SNTA1: variants seen among roughly 807,000 people sequenced by gnomAD.
SNTA1 encodes alpha-1-syntrophin.
SNTA1 carries 31 observed loss-of-function variants against 47.1 expected under a neutral mutation model. The ratio of observed to expected loss-of-function variants is 0.66; its 90% CI spans 0.49 to 0.89. SNTA1 has a LOEUF of 0.89. Ranked by LOEUF, SNTA1 falls within the 40% of genes least tolerant of loss-of-function variation. The probability of loss-of-function intolerance (pLI) is 0.00; values close to 1 mark genes in which losing one functional copy is unlikely to be tolerated. For synonymous variants in SNTA1, 300 were observed against 313.6 expected (o/e 0.96, Z 0.46); for missense variants, 575 against 693.0 (o/e 0.83, Z 1.91).
intron 2 of SNTA1, among the ~76,000 whole-genome samples, chr20:33,432,309 G>C (rs1287827448): frequency 2.0e-5 from 3 of 152,228 alleles, no homozygotes; most frequent in Non-Finnish European, 4.4e-5. Context: ...CCAGTAGGGA[G>C]CTGGCCTTAG....
At chr20:33,418,282 GT>G (rs559417140) in intron 2 of SNTA1, among the ~76,000 whole-genome samples, 1 of 138,766 alleles carries the variant, frequency 7.2e-6, no homozygotes, top group Admixed American at 7.4e-5. Flanking sequence ...TTTTGAGACA[GT>G]TTCTCTCTGT....
chr20:33,418,016 T>A, intron 2 of SNTA1, 93 bp from the exon 3 acceptor site: 1 of 853,872 alleles, frequency 1.2e-6, no homozygotes, highest in South Asian at 1.5e-5. Flanking sequence ...TTAATTTACG[T>A]GTCACTATTA....
intron 2 of SNTA1, among the ~76,000 whole-genome samples, chr20:33,430,337 G>T (rs2146794606): frequency 7.2e-6 from 1 of 138,426 alleles, no homozygotes; most frequent in South Asian, 2.3e-4. Context: ...CGCCCAGGCT[G>T]GAGTGCCGTG....
At chr20:33,442,924 G>A (rs1990611474) in intron 1 of SNTA1, among the ~76,000 whole-genome samples, 1 of 151,868 alleles carries the variant, frequency 6.6e-6, no homozygotes, top group East Asian at 1.9e-4. Context: ...TGCTTCTCAG[G>A]GACTCCCTCC....
At chr20:33,439,154 A>C in intron 1 of SNTA1, 128 bp from the exon 2 acceptor site, 1 of 832,350 alleles carries the variant, frequency 1.2e-6, no homozygotes, top group Non-Finnish European at 2.0e-6. Context: ...GCAATGGGAG[A>C]ATAAAGGGAA....
intron 2 of SNTA1, among the ~76,000 whole-genome samples, chr20:33,423,860 T>A (rs1990092877): frequency 1.3e-5 from 2 of 152,190 alleles, no homozygotes; most frequent in Admixed American, 6.5e-5. Context: ...CTGTTCCTTG[T>A]CTGTTCAGTG....
At chr20:33,442,108 A>C (rs1373605201) in intron 1 of SNTA1, among the ~76,000 whole-genome samples, 1 of 152,126 alleles carries the variant, frequency 6.6e-6, no homozygotes, top group Non-Finnish European at 1.5e-5. Context: ...TCTGAGTCTC[A>C]GTTTCTTCAC....
In SNTA1 at chr20:33,438,835, G is replaced by A; in HGVS notation, c.496+6C>T. ...CCCCTCTGAACCCTGGAACGTCAGT[G>A]CTTACCCTCCAGCACCACCTCCTTG... On this transcript the variant is annotated splice_donor_region_variant and intron_variant, in intron 2 of 7. Coordinates refer to ENST00000217381, the MANE Select transcript of SNTA1 (RefSeq NM_003098.3). The A allele has an allele frequency of 2.5e-6, 4 of 1,612,128 alleles. No homozygotes were observed. Among genetic ancestry groups the A allele is most frequent in the Non-Finnish European group, 3.4e-6 (4 of 1,178,816 alleles).
At chr20:33,421,213 TG>T (rs1404136521) in intron 2 of SNTA1, among the ~76,000 whole-genome samples, 1 of 151,636 alleles carries the variant, frequency 6.6e-6, no homozygotes, top group African/African-American at 2.4e-5. Context: ...CAATTCCCTC[TG>T]GAGTCAGATG....
At chr20:33,432,028 T>G (rs904954880) in intron 2 of SNTA1, among the ~76,000 whole-genome samples, 8 of 152,184 alleles carry the variant, frequency 5.3e-5, no homozygotes, top group African/African-American at 1.9e-4. Context: ...GCTATGCGTG[T>G]GCACAGCCAA....
chr20:33,415,860 G>T (rs954608832), intron 3 of SNTA1, among the ~76,000 whole-genome samples: 1 of 151,752 alleles, frequency 6.6e-6, no homozygotes, highest in Non-Finnish European at 1.5e-5. Context: ...TGTAATCCTA[G>T]CACTTCAGGA....
At chr20:33,411,764 CAT>C (rs1189802467) in intron 5 of SNTA1, among the ~76,000 whole-genome samples, 1 of 152,290 alleles carries the variant, frequency 6.6e-6, no homozygotes, top group Non-Finnish European at 1.5e-5. Context: ...ATCACAAACT[CAT>C]AGCTCCATGA....
Position 33,412,715 on chromosome 20 carries a change from C to A in SNTA1, c.769G>T (p.Ala257Ser). ...LFLRAKDEAS[A>S]RSWATAIQAQ... ...TGGATGGCAGTCGCCCACGACCTCG[C>A]ACTAGCCTCATCCTTGGCCCTCAGG... Residue 257 changes from alanine to serine, a missense_variant, in exon 4 of 8, where the codon GCG becomes TCG. Physicochemically the swap from Ala to Ser is moderately conservative, Grantham distance 99. Transcript: ENST00000217381. 6.2e-7 allele frequency: 1 copy of A among 1,613,690 alleles called. No homozygotes were observed. The highest frequency in any genetic ancestry group is 2.2e-5 in the East Asian group (1 of 44,880).
chr20:33,431,753 A>G (rs965922989), intron 2 of SNTA1, among the ~76,000 whole-genome samples: 3 of 152,062 alleles, frequency 2.0e-5, no homozygotes, highest in Admixed American at 1.3e-4. Flanking sequence ...CATCTCAAAG[A>G]AAAAAACAAG....
At chr20:33,435,380 T>C (rs1043064559) in intron 2 of SNTA1, among the ~76,000 whole-genome samples, 2 of 149,556 alleles carry the variant, frequency 1.3e-5, no homozygotes, top group African/African-American at 4.9e-5. Flanking sequence ...GGCAGATCAC[T>C]GAGGCCGGGA....
chr20:33,414,984 A>T (rs147678027), intron 3 of SNTA1, among the ~76,000 whole-genome samples: 22 of 152,316 alleles, frequency 1.4e-4, no homozygotes, highest in Non-Finnish European at 2.9e-4. Flanking sequence ...AGTTTGAAGC[A>T]GTTTTCATTA....
chr20:33,422,269 T>A (rs1038796191), intron 2 of SNTA1, among the ~76,000 whole-genome samples: 32 of 151,102 alleles, frequency 2.1e-4, no homozygotes, highest in African/African-American at 7.5e-4. Context: ...TGAAACCTCG[T>A]CTCTACTAAA....
At chr20:33,435,868 TG>T (rs1990428912) in intron 2 of SNTA1, among the ~76,000 whole-genome samples, 1 of 152,164 alleles carries the variant, frequency 6.6e-6, no homozygotes, top group Admixed American at 6.6e-5. Flanking sequence ...ACGACATACA[TG>T]GGAACCCAGA....
intron 6 of SNTA1, 124 bp from the exon 7 acceptor site, chr20:33,409,012 T>C: frequency 1.2e-6 from 1 of 847,980 alleles, no homozygotes; most frequent in Non-Finnish European, 2.0e-6. Context: ...GGCTCACTGT[T>C]TGTCGTGGCA....
Sources: gnomAD v4.1 joint callset for allele counts (sites outside exome capture counted in the v4.1 genomes callset) on GRCh38, gnomAD v4.1.1 for gene constraint, MANE v1.5 for transcripts, NCBI Gene and HGNC (gene_info 2026-07-23, HGNC 2026-07-21) for gene names.